TMTC3: variants seen among roughly 807,000 people sequenced by gnomAD.
The protein encoded by TMTC3 is transmembrane O-mannosyltransferase targeting cadherins 3, also known as protein O-mannosyl-transferase TMTC3.
A neutral mutation model predicts 92.2 loss-of-function variants in TMTC3; 52 were observed. The observed-to-expected ratio is 0.56, with a 90% CI of 0.45 to 0.71. The LOEUF (loss-of-function observed/expected upper bound fraction) is 0.71, where lower values mean the gene tolerates loss of function less well. TMTC3 is among the 30% of genes least tolerant of loss of function. The pLI is 0.00. For missense variants in TMTC3, 896 were observed against 1,057.1 expected (o/e 0.85, Z 2.11); for synonymous variants, 339 against 363.3 (o/e 0.93, Z 0.76).
rs775969389 is a variant in TMTC3, at chr12:88,176,175, T to C, written c.1321-33T>C. 5 of 1,438,940 alleles carry C rather than the reference T, an allele frequency of 3.5e-6. No individual in the cohort carries two copies. The South Asian group carries it at 6.1e-5, about 18-fold the overall frequency. The allele number at this position is 1,438,940 out of a possible 1,614,324, so 89.1% of individuals were successfully genotyped here. A position where few individuals can be genotyped will look rare whatever the true frequency, so the allele number is the denominator to read the frequency against. ...ATGAACTGGAGTCATTTTTTTTTAA[T>C]TGTAACTTTTTCTATCTGTGCTTGT... On this transcript the variant is annotated intron_variant, in intron 9 of 13. Transcript: ENST00000266712.
At chr12:88,194,423 AACTCAG>A (rs1440166738) in intron 13 of TMTC3, among the ~76,000 whole-genome samples, 1 of 152,158 alleles carries the variant, frequency 6.6e-6, no homozygotes, top group Non-Finnish European at 1.5e-5. Flanking sequence ...ATTATTAGAA[AACTCAG>A]TTAACCCAGA....
chr12:88,143,139 A>G (rs1328252783), intron 1 of TMTC3, among the ~76,000 whole-genome samples: 1 of 150,500 alleles, frequency 6.6e-6, no homozygotes, highest in Non-Finnish European at 1.5e-5. Flanking sequence ...ATTTCCAACT[A>G]TCTGGACCAG....
intron 7 of TMTC3, among the ~76,000 whole-genome samples, chr12:88,167,545 A>G (rs764509026): frequency 3.3e-5 from 5 of 152,242 alleles, no homozygotes; most frequent in Non-Finnish European, 7.3e-5. Context: ...TATTCATTCA[A>G]TAAAAACTTA....
rs748339107 is a variant in TMTC3 at position 88,153,447 on chromosome 12, G to C, written c.346G>C (p.Asp116His). Residue 116 changes from aspartate (D) to histidine (H), a missense_variant, in exon 3 of 14, where the codon GAC becomes CAC. Transcript: ENST00000266712. ...IFLKVCKLFL[D>H]NKSSVIASLL... The stretch of plus-strand genomic sequence containing the variant: ...TCTCAAAGTATGCAAACTTTTTCTG[G>C]ACAACAAGAGTAGTGTGATTGCTTC... The C allele has an allele frequency of 4.3e-5, 70 of 1,613,326 alleles. No homozygotes were observed. Among genetic ancestry groups the C allele is most frequent in the Non-Finnish European group, 5.5e-5 (65 of 1,179,726 alleles).
chr12:88,180,322 T>C (rs1364880322), intron 10 of TMTC3, among the ~76,000 whole-genome samples: 1 of 151,776 alleles, frequency 6.6e-6, no homozygotes, highest in African/African-American at 2.4e-5. Context: ...CCACTGGGGG[T>C]ATGTTAATCC....
chr12:88,162,313 G>A (rs1451672643), intron 6 of TMTC3, among the ~76,000 whole-genome samples: 4 of 152,076 alleles, frequency 2.6e-5, no homozygotes, highest in Non-Finnish European at 5.9e-5. Context: ...TTGTGCTTAG[G>A]TAAACTGAGC....
At chr12:88,146,984 T>A (rs2040883754) in intron 1 of TMTC3, among the ~76,000 whole-genome samples, 1 of 150,412 alleles carries the variant, frequency 6.6e-6, no homozygotes, top group Admixed American at 6.6e-5. Context: ...GTCTCCAGGA[T>A]GTCAGATTCT....
intron 12 of TMTC3, 65 bp downstream of exon 12, chr12:88,190,687 G>T: frequency 6.8e-7 from 1 of 1,481,064 alleles, no homozygotes; most frequent in Non-Finnish European, 9.1e-7. Context: ...TGTACATTTT[G>T]AATGAATTGG....
At chr12:88,143,630 G>A (rs1359241428) in intron 1 of TMTC3, among the ~76,000 whole-genome samples, 1 of 152,134 alleles carries the variant, frequency 6.6e-6, no homozygotes, top group African/African-American at 2.4e-5. Context: ...TTTATTAAAT[G>A]TTATATTTTA....
At chr12:88,191,726 T>C (rs193215694) in intron 12 of TMTC3, among the ~76,000 whole-genome samples, 2 of 152,194 alleles carry the variant, frequency 1.3e-5, no homozygotes, top group African/African-American at 4.8e-5. Context: ...GTTTGTTTGT[T>C]TGTGACAGAG....
Position 88,195,753 on chromosome 12 carries a change from A to C in TMTC3, c.*104A>C. On this transcript the variant is annotated 3_prime_UTR_variant, in exon 14 of 14. Transcript: ENST00000266712. ...AAAAGTTCAAGGGTTCCTAATGGTCAATCATGAGCTGCCTTGAAGTAGGAT... is the reference window on the plus strand; with the variant it reads ...AAAAGTTCAAGGGTTCCTAATGGTCCATCATGAGCTGCCTTGAAGTAGGAT... The C allele has an allele frequency of 1.1e-6, 1 of 879,702 alleles. No homozygotes were observed. The highest frequency in any genetic ancestry group is 1.7e-6 in the Non-Finnish European group (1 of 587,412). The allele number at this position is 879,702 out of a possible 1,614,324, so 54.5% of individuals were successfully genotyped here. A position where few individuals can be genotyped will look rare whatever the true frequency, so the allele number is the denominator to read the frequency against.
chr12:88,180,542 A>G (rs1019704382), intron 10 of TMTC3, among the ~76,000 whole-genome samples: 1 of 152,214 alleles, frequency 6.6e-6, no homozygotes, highest in African/African-American at 2.4e-5. Context: ...ATCTGGAGTG[A>G]ATGGTGTCTG....
In TMTC3 at chr12:88,199,425, A is replaced by T. The variant is rs1469711489; in HGVS notation, c.*3776A>T. 1 of 151,872 alleles carries T rather than the reference A, an allele frequency of 6.6e-6. No individual in the cohort carries two copies. The highest frequency in any genetic ancestry group is 2.4e-5 in the African/African-American group (1 of 41,384). The allele number at this position is 151,872 out of a possible 1,614,324, so 9.4% of individuals were successfully genotyped here. ...TTAAATTGCTTAGAGTTTCTAGCAC[A>T]TAGCAAATAATAAATATTAGTTATT... On this transcript the variant is annotated 3_prime_UTR_variant, in exon 14 of 14. Transcript: ENST00000266712.
In TMTC3 at chr12:88,182,189, C is replaced by T. The variant is rs552511249; in HGVS notation, c.1432+5870C>T. On this transcript the variant is annotated intron_variant, in intron 10 of 13. Coordinates refer to ENST00000266712, the MANE Select transcript of TMTC3 (RefSeq NM_181783.4). Reference sequence around the variant, plus strand: ...TTAGTCCCAGTACGTGAGCAAAAAACCCATCCTAGGAAGCATAGCCCTGGG... The same window carrying T: ...TTAGTCCCAGTACGTGAGCAAAAAATCCATCCTAGGAAGCATAGCCCTGGG... Among the ~76,000 whole-genome samples, 144 of 152,284 alleles carry T rather than the reference C, an allele frequency of 9.5e-4. 2 individuals are homozygous for T. The South Asian group carries it at 0.027, about 29-fold the overall frequency.
In TMTC3 at chr12:88,195,000, C is replaced by T. The variant is rs1394505331; in HGVS notation, c.2096C>T (p.Ala699Val). 4 of 1,613,672 alleles carry T rather than the reference C, an allele frequency of 2.5e-6. No individual in the cohort carries two copies. The highest frequency in any genetic ancestry group is 3.4e-6 in the Non-Finnish European group (4 of 1,179,890). The change falls in exon 14 of 14, where the codon GCC becomes GTC. Residue 699 changes from alanine (A) to valine (V), a missense_variant. Transcript: ENST00000266712. The part of the protein sequence containing the change: ...IWMKKAIKLQ[A>V]DFRSALFNLA... ...ATGAAGAAAGCCATAAAGTTACAAG[C>T]CGACTTCCGAAGTGCTTTGTTTAAT...
In TMTC3 at chr12:88,160,849, C is replaced by T. The variant is rs1207602082; in HGVS notation, c.795C>T (p.Thr265=). Reference sequence around the variant, plus strand: ...TTCAATCCCAACTTCCAGTATTCACCAGGTATGAAATTCTGGTTCTTTGTT... The same window carrying T: ...TTCAATCCCAACTTCCAGTATTCACTAGGTATGAAATTCTGGTTCTTTGTT... The part of the protein sequence containing the change: ...QVIQSQLPVF[T]RFDNPAAVSP... Residue 265 remains threonine (T), a splice_region_variant and synonymous_variant, in exon 6 of 14, where the codon ACC becomes ACT. Transcript: ENST00000266712. 1 of 1,587,026 alleles carries T rather than the reference C, an allele frequency of 6.3e-7. No homozygotes were observed. The highest frequency in any genetic ancestry group is 2.3e-5 in the East Asian group (1 of 43,936).
At position 88,174,168 on chromosome 12, in the gene TMTC3, T is replaced by A. The variant is rs189247458; in HGVS notation, c.1200-439T>A. Among the ~76,000 whole-genome samples, 351 of 152,150 alleles carry A rather than the reference T, an allele frequency of 2.3e-3. 2 individuals carry two copies. Among genetic ancestry groups the A allele is most frequent in the Admixed American group, 4.9e-3 (75 of 15,284 alleles). On this transcript the variant is annotated intron_variant, in intron 8 of 13. Transcript: ENST00000266712. The stretch of plus-strand genomic sequence containing the variant: ...CAATTCTAGCTTTACAATAGAGAAA[T>A]AAACCAAAAATATCATGATAGTCTT...
chr12:88,187,579 A>G (rs1232812943), intron 10 of TMTC3, among the ~76,000 whole-genome samples: 1 of 152,168 alleles, frequency 6.6e-6, no homozygotes. Context: ...AAAGAAAAAA[A>G]TCTACTTCCT....
At chr12:88,155,158 G>A (rs904358928) in intron 4 of TMTC3, among the ~76,000 whole-genome samples, 2 of 152,152 alleles carry the variant, frequency 1.3e-5, no homozygotes, top group African/African-American at 4.8e-5. Flanking sequence ...AACAATTTGA[G>A]TGGCAGCATA....
Sources: gnomAD v4.1 joint callset for allele counts (sites outside exome capture counted in the v4.1 genomes callset) on GRCh38, gnomAD v4.1.1 for gene constraint, MANE v1.5 for transcripts, NCBI Gene and HGNC (gene_info 2026-07-23, HGNC 2026-07-21) for gene names.